The following NRG1 variants were observed in gnomAD, a reference collection of about 807,000 sequenced individuals.
NRG1 encodes the protein neuregulin 1.
NRG1 carries 18 observed loss-of-function variants against 63.8 expected under a neutral mutation model. The ratio of observed to expected loss-of-function variants is 0.28; its 90% CI spans 0.19 to 0.42. The LOEUF is 0.42. Ranked by LOEUF, NRG1 falls within the 10% of genes least tolerant of loss-of-function variation. The probability of loss-of-function intolerance (pLI) is 1.00; values close to 1 mark genes in which losing one functional copy is unlikely to be tolerated. For synonymous variants in NRG1, 302 were observed against 301.3 expected, an observed-to-expected ratio of 1.00 and a Z score of -0.02; for missense variants, 762 against 814.7, an observed-to-expected ratio of 0.94 and a Z score of 0.79.
chr8:32,303,159 G>A lies in NRG1; in HGVS notation c.38-292669G>A, dbSNP rs115798396. On this transcript the variant is annotated intron_variant, in intron 1 of 10. Coordinates refer to the NRG1 transcript ENST00000519301. ...TTGCACCATTGCACTCCAGCTTGGG[G>A]CAGAAAGAAGAGAAACTCAGTCTCC... Among the ~76,000 whole-genome samples, 454 of 134,194 alleles carry A rather than the reference G, an allele frequency of 3.4e-3. 4 individuals are homozygous for A. Among genetic ancestry groups the A allele is most frequent in the African/African-American group, 0.012 (441 of 36,674 alleles). 88.0% of individuals were successfully genotyped at this position (134,194 alleles called of 152,430 possible).
At chr8:31,747,345 C>T (rs1048173269) in intron 1 of NRG1, among the ~76,000 whole-genome samples, 1 of 151,854 alleles carries the variant, frequency 6.6e-6, no homozygotes, top group African/African-American at 2.4e-5. Context: ...TGGGATTTCA[C>T]ACAAGGCACT....
intron 1 of NRG1, among the ~76,000 whole-genome samples, chr8:31,831,175 T>A (rs1270287561): frequency 6.6e-6 from 1 of 151,912 alleles, no homozygotes; most frequent in African/African-American, 2.4e-5. Context: ...GATCTTGGCT[T>A]ACTGCAACAT....
chr8:32,114,411 A>G (rs1247281046), intron 1 of NRG1, among the ~76,000 whole-genome samples: 3 of 152,166 alleles, frequency 2.0e-5, no homozygotes, highest in African/African-American at 7.2e-5. Context: ...GAAGTATCAA[A>G]AAGCTCTGCA....
chr8:31,909,432 G>C (rs1192111464), intron 1 of NRG1, among the ~76,000 whole-genome samples: 2 of 151,994 alleles, frequency 1.3e-5, no homozygotes, highest in African/African-American at 2.4e-5. Context: ...CTTCCATGCT[G>C]ATGCATGGAA....
At chr8:32,258,215 G>T (rs1849954584) in intron 1 of NRG1, among the ~76,000 whole-genome samples, 1 of 152,152 alleles carries the variant, frequency 6.6e-6, no homozygotes, top group East Asian at 1.9e-4. Context: ...ATTTGACTCA[G>T]TCTCTTTGTC....
At chr8:31,964,146 G>A (rs1805935743) in intron 1 of NRG1, among the ~76,000 whole-genome samples, 1 of 152,146 alleles carries the variant, frequency 6.6e-6, no homozygotes, top group South Asian at 2.1e-4. Flanking sequence ...ATGGCCACAG[G>A]ATCAGAGCAG....
chr8:31,919,463 A>G (rs1833713937), intron 1 of NRG1, among the ~76,000 whole-genome samples: 1 of 151,556 alleles, frequency 6.6e-6, no homozygotes, highest in Non-Finnish European at 1.5e-5. Context: ...TTAGTATGAG[A>G]TTGTATATTT....
intron 1 of NRG1, among the ~76,000 whole-genome samples, chr8:31,730,824 A>C (rs1026071616): frequency 6.6e-6 from 1 of 152,184 alleles, no homozygotes; most frequent in African/African-American, 2.4e-5. Context: ...AGTCAATATA[A>C]GTAAAATTAA....
At chr8:32,397,776 G>A (rs1361824322) in intron 1 of NRG1, among the ~76,000 whole-genome samples, 3 of 152,182 alleles carry the variant, frequency 2.0e-5, no homozygotes, top group African/African-American at 7.2e-5. Context: ...GTGATACCCA[G>A]TCTATTGCAG....
intron 1 of NRG1, among the ~76,000 whole-genome samples, chr8:32,445,673 A>G (rs867614335): frequency 1.3e-5 from 2 of 152,068 alleles, no homozygotes; most frequent in Non-Finnish European, 2.9e-5. Flanking sequence ...TTCCTTACCT[A>G]TTTAGAATAG....
intron 1 of NRG1, among the ~76,000 whole-genome samples, chr8:31,862,599 T>G (rs1016933905): frequency 1.3e-5 from 2 of 152,232 alleles, no homozygotes; most frequent in Non-Finnish European, 2.9e-5. Context: ...TTTTAATGAC[T>G]TCCATTTTAT....
At chr8:31,669,822 G>A (rs1364888619) in intron 1 of NRG1, among the ~76,000 whole-genome samples, 1 of 152,052 alleles carries the variant, frequency 6.6e-6, no homozygotes, top group African/African-American at 2.4e-5. Context: ...TTTTCCCTTG[G>A]GGACATTGAA....
At chr8:32,344,378 CTTTCTCTT>C (rs1443501121) in intron 1 of NRG1, among the ~76,000 whole-genome samples, 11 of 84,138 alleles carry the variant, frequency 1.3e-4, no homozygotes, top group Non-Finnish European at 1.7e-4. Flanking sequence ...TTCTTTCTTT[CTTTCTCTT>C]TCTTTCTTTT....
At chr8:31,767,030 C>G (rs970712974) in intron 1 of NRG1, among the ~76,000 whole-genome samples, 1 of 152,128 alleles carries the variant, frequency 6.6e-6, no homozygotes, top group African/African-American at 2.4e-5. Context: ...TTTTCAAATA[C>G]TTACTGGATT....
chr8:31,962,640 C>T (rs1435864323), intron 1 of NRG1, among the ~76,000 whole-genome samples: 4 of 152,040 alleles, frequency 2.6e-5, no homozygotes, highest in Admixed American at 2.0e-4. Context: ...AAATCCAATC[C>T]CTTGTCTAGG....
intron 1 of NRG1, among the ~76,000 whole-genome samples, chr8:32,522,417 C>A (rs574339235): frequency 6.6e-6 from 1 of 152,318 alleles, no homozygotes; most frequent in South Asian, 2.1e-4. Flanking sequence ...TTACTTTCAG[C>A]AAATGATGTA....
intron 1 of NRG1, among the ~76,000 whole-genome samples, chr8:32,377,146 A>C (rs967879111): frequency 2.6e-5 from 4 of 152,242 alleles, no homozygotes; most frequent in Non-Finnish European, 5.9e-5. Flanking sequence ...AGCCCAGTGC[A>C]CATAGAGTGT....
At chr8:32,426,349 G>A (rs1817371751) in intron 1 of NRG1, among the ~76,000 whole-genome samples, 1 of 152,096 alleles carries the variant, frequency 6.6e-6, no homozygotes, top group Non-Finnish European at 1.5e-5. Context: ...TTATGTATAT[G>A]CCATAAAAAA....
At chr8:32,584,402 A>C (rs375919191) in intron 1 of NRG1, among the ~76,000 whole-genome samples, 1 of 152,184 alleles carries the variant, frequency 6.6e-6, no homozygotes, top group Non-Finnish European at 1.5e-5. Context: ...TAAGAGTGCA[A>C]GGAGGTTTTA....
Sources: gnomAD v4.1 joint callset for allele counts (sites outside exome capture counted in the v4.1 genomes callset) on GRCh38, gnomAD v4.1.1 for gene constraint, MANE v1.5 for transcripts, NCBI Gene and HGNC (gene_info 2026-07-23, HGNC 2026-07-21) for gene names.